Variants in MEX3D observed in about 807,000 individuals in gnomAD.
MEX3D encodes mex-3 RNA binding family member D.
In MEX3D, 4 loss-of-function variants were observed where a neutral mutation model predicts 6.3. The ratio of observed to expected loss-of-function variants is 0.64; its 90% CI spans 0.31 to 1.46. MEX3D has a LOEUF of 1.46. Among genes scored for constraint, MEX3D ranks in the 40% most tolerant of loss-of-function variants. MEX3D has a pLI of 0.07. For missense variants in MEX3D, 1,038 were observed against 994.4 expected (o/e 1.04, Z -0.59); for synonymous variants, 626 against 494.1 (o/e 1.27, Z -3.54).
In MEX3D at chr19:1,557,063, G is replaced by C. The variant is rs570391228; in HGVS notation, c.596-140C>G. 11 of 1,045,060 alleles carry C rather than the reference G, an allele frequency of 1.1e-5. No homozygotes were observed. In the African/African-American group the frequency reaches 1.6e-4, roughly 15 times the overall value. 64.7% of individuals were successfully genotyped at this position (1,045,060 alleles called of 1,614,324 possible). On this transcript the variant is annotated intron_variant, in intron 1 of 1. Coordinates refer to ENST00000402693, the MANE Select transcript of MEX3D (RefSeq NM_203304.4). ...CCAACAACACTTTATCCTCAGACACGCCACGTCCCTTCTTCCCTCAGCCTC... is the reference window on the plus strand; with the variant it reads ...CCAACAACACTTTATCCTCAGACACCCCACGTCCCTTCTTCCCTCAGCCTC...
In MEX3D at chr19:1,555,744, G is replaced by C. The variant is rs200047801; in HGVS notation, c.1775C>G (p.Ser592Trp). 6.6e-7 allele frequency: 1 copy of C among 1,512,298 alleles called. No individual in the cohort carries two copies. Among genetic ancestry groups the C allele is most frequent in the Non-Finnish European group, 8.8e-7 (1 of 1,137,234 alleles). The allele number at this position is 1,512,298 out of a possible 1,614,324, so 93.7% of individuals were successfully genotyped here. Residue 592 changes from serine (S) to tryptophan (W), a missense_variant, in exon 2 of 2, where the codon TCG becomes TGG. By Grantham distance (177) the Ser-to-Trp change is radical (BLOSUM62 -3). Transcript: ENST00000402693. The stretch of plus-strand genomic sequence containing the variant: ...GCACTCTCGCGCCAGGGCCGGGGCC[G>C]AGGACGCCGAAGGGGGCTTGCGGCT... ...ENSRKPPSAS[S>W]APALARECVV...
rs1224377339 is a variant in MEX3D, at chr19:1,556,825, C to T, written c.694G>A (p.Asp232Asn). The T allele has an allele frequency of 1.9e-6, 3 of 1,612,654 alleles. No homozygotes were observed. The highest frequency in any genetic ancestry group is 2.5e-6 in the Non-Finnish European group (3 of 1,179,822). ...PVFIVTGRKE[D>N]VEMAKREILS... ...ATCTCACGCTTGGCCATCTCCACGT[C>T]CTCCTTCCGGCCGGTCACGATGAAG... The change falls in exon 2 of 2, where the codon GAC becomes AAC. Residue 232 changes from aspartate (D) to asparagine (N), a missense_variant. By Grantham distance (23) the Asp-to-Asn change is conservative (BLOSUM62 1). Around this residue, in one of 5 missense-constraint regions of MEX3D, gnomAD observed 75 missense variants for 125.1 expected, o/e 0.60. Transcript: ENST00000402693. The surrounding 1 kb of genome is among the most constrained non-coding windows in gnomAD (Gnocchi z 7.5).
chr19:1,555,955 C>A lies in MEX3D; in HGVS notation c.1564G>T (p.Gly522Cys). The part of the protein sequence containing the change: ...RHSPTLPEPG[G>C]LRLELPLSRR... Reference sequence around the variant, plus strand: ...GACAGCGGGAGCTCCAGGCGGAGGCCGCCGGGCTCGGGCAGCGTGGGCGAG... The same window carrying A: ...GACAGCGGGAGCTCCAGGCGGAGGCAGCCGGGCTCGGGCAGCGTGGGCGAG... Residue 522 changes from glycine to cysteine, a missense_variant, in exon 2 of 2, where the codon GGC becomes TGC. Coordinates refer to ENST00000402693, the MANE Select transcript of MEX3D (RefSeq NM_203304.4). 8.5e-7 allele frequency: 1 copy of A among 1,170,410 alleles called. No homozygotes were observed. The highest frequency in any genetic ancestry group is 1.6e-5 in the African/African-American group (1 of 60,924). The allele number at this position is 1,170,410 out of a possible 1,614,324, so 72.5% of individuals were successfully genotyped here. A position where few individuals can be genotyped will look rare whatever the true frequency, so the allele number is the denominator to read the frequency against.
Position 1,555,309 on chromosome 19 carries a change from C to T in MEX3D, c.*254G>A. ...AAAGTGCAAGCGGACCTTTTCTCTCCGGTTTATTGTAACCTGACCACTCAA... is the reference window on the plus strand; with the variant it reads ...AAAGTGCAAGCGGACCTTTTCTCTCTGGTTTATTGTAACCTGACCACTCAA... On this transcript the variant is annotated 3_prime_UTR_variant, in exon 2 of 2. Transcript: ENST00000402693. 2 of 1,587,852 alleles carry T rather than the reference C, an allele frequency of 1.3e-6. No individual in the cohort carries two copies. Among genetic ancestry groups the T allele is most frequent in the Non-Finnish European group, 1.7e-6 (2 of 1,164,354 alleles).
Position 1,555,218 on chromosome 19 carries a change from T to TTTTTG in MEX3D, c.*340_*344dup. On this transcript the variant is annotated 3_prime_UTR_variant, in exon 2 of 2. Coordinates refer to ENST00000402693, the MANE Select transcript of MEX3D (RefSeq NM_203304.4). Reference sequence around the variant, plus strand: ...ACGCTGAGCGCTGGAAAAGTCGTGTTTTTTGTTTTGCTTTTTTAAAGATCA... The same window carrying TTTTTG: ...ACGCTGAGCGCTGGAAAAGTCGTGTTTTTTGTTTTGTTTTGCTTTTTTAAAGATCA... The TTTTTG allele has an allele frequency of 8.8e-7, 1 of 1,132,950 alleles. No homozygotes were observed. The allele number at this position is 1,132,950 out of a possible 1,614,324, so 70.2% of individuals were successfully genotyped here.
chr19:1,561,338 G>A (rs905280984), intron 1 of MEX3D, among the ~76,000 whole-genome samples: 1 of 152,166 alleles, frequency 6.6e-6, no homozygotes, highest in Non-Finnish European at 1.5e-5. Context: ...CAACAGCAAG[G>A]ACAGGATTCT....
At chr19:1,559,084 C>T (rs1914655313) in intron 1 of MEX3D, among the ~76,000 whole-genome samples, 1 of 151,520 alleles carries the variant, frequency 6.6e-6, no homozygotes, top group Non-Finnish European at 1.5e-5. Context: ...AACTCCTGGG[C>T]TCAAGTGATC....
In MEX3D at chr19:1,556,198, C is replaced by A; in HGVS notation, c.1321G>T (p.Ala441Ser). The A allele has an allele frequency of 1.4e-6, 2 of 1,445,444 alleles. No homozygotes were observed. The highest frequency in any genetic ancestry group is 2.3e-5 in the Admixed American group (1 of 42,730). 89.5% of individuals were successfully genotyped at this position (1,445,444 alleles called of 1,614,324 possible). ...GFAFGAEGPG[A>S]PVGTAAPDDC... ...TCGGGGGCGGCCGTCCCCACCGGGGCACCGGGACCCTCCGCGCCGAAGGCG... is the reference window on the plus strand; with the variant it reads ...TCGGGGGCGGCCGTCCCCACCGGGGAACCGGGACCCTCCGCGCCGAAGGCG... Residue 441 changes from alanine (A) to serine (S), a missense_variant, in exon 2 of 2, where the codon GCC becomes TCC. Ala to Ser is a moderately conservative substitution (Grantham distance 99). This residue lies in a region of MEX3D where 581 missense variants were observed against 516.2 expected (regional missense o/e 1.13). Coordinates refer to ENST00000402693, the MANE Select transcript of MEX3D (RefSeq NM_203304.4). This position sits in a 1 kb window ranked among gnomAD's most constrained non-coding sequence, Gnocchi z 7.5.
chr19:1,568,158 A>C lies in MEX3D; in HGVS notation c.-100T>G. On this transcript the variant is annotated 5_prime_UTR_variant, in exon 1 of 2. An upstream start codon of the reference 5' UTR is lost. Transcript: ENST00000402693. ...GCGAGCTGGGCCGCCGGCCGCCTGC[A>C]TCCAGCGGCGGGGGCGGGCACGGGG... 1.0e-6 allele frequency: 1 copy of C among 955,940 alleles called. No homozygotes were observed. The highest frequency in any genetic ancestry group is 1.9e-5 in the African/African-American group (1 of 53,012). 59.2% of individuals were successfully genotyped at this position (955,940 alleles called of 1,614,324 possible).
chr19:1,556,217 G>A lies in MEX3D; in HGVS notation c.1302C>T (p.Phe434=), dbSNP rs1248450007. The A allele has an allele frequency of 3.5e-6, 5 of 1,425,360 alleles. No homozygotes were observed. Among genetic ancestry groups the A allele is most frequent in the South Asian group, 1.3e-5 (1 of 77,412 alleles). The allele number at this position is 1,425,360 out of a possible 1,614,324, so 88.3% of individuals were successfully genotyped here. ...CCGGGGCACCGGGACCCTCCGCGCC[G>A]AAGGCGAAGCCCCCGTTGCCGGAGC... is the stretch of plus-strand genomic sequence containing the variant. ...YSGSGNGGFA[F]GAEGPGAPVG... The change falls in exon 2 of 2, where the codon TTC becomes TTT. Residue 434 remains phenylalanine, a synonymous_variant. Transcript: ENST00000402693. This position sits in a 1 kb window ranked among gnomAD's most constrained non-coding sequence, Gnocchi z 7.5.
chr19:1,555,377 T>C lies in MEX3D; in HGVS notation c.*186A>G, dbSNP rs767923568. The C allele has an allele frequency of 1.3e-5, 20 of 1,599,772 alleles. No homozygotes were observed. The highest frequency in any genetic ancestry group is 5.4e-5 in the African/African-American group (4 of 74,152). ...TGAGGCGCCGCCGGGCTGCGGGGTCTCCGTCTCCACGCCTGAGGCGGCAGT... is the reference window on the plus strand; with the variant it reads ...TGAGGCGCCGCCGGGCTGCGGGGTCCCCGTCTCCACGCCTGAGGCGGCAGT... On this transcript the variant is annotated 3_prime_UTR_variant, in exon 2 of 2. Transcript: ENST00000402693.
chr19:1,562,933 G>A (rs1161141952), intron 1 of MEX3D, among the ~76,000 whole-genome samples: 1 of 152,046 alleles, frequency 6.6e-6, no homozygotes, highest in Non-Finnish European at 1.5e-5. Context: ...TGAAAGAACT[G>A]CTTGAACCTG....
chr19:1,555,851 G>C lies in MEX3D; in HGVS notation c.1668C>G (p.Ala556=). The change falls in exon 2 of 2, where the codon GCC becomes GCG. Residue 556 remains alanine (A), a synonymous_variant. Transcript: ENST00000402693. ...GCAGCGAGGTGGCCGTGGAGAAGGC[G>C]GCGCCGCCTGGGAAGGATACGGGGC... ...PQGPVSFPGG[A]AFSTATSLPS... is the part of the protein sequence containing the mutation. 1 of 1,335,200 alleles carries C rather than the reference G, an allele frequency of 7.5e-7. No individual in the cohort carries two copies. Among genetic ancestry groups the C allele is most frequent in the Non-Finnish European group, 9.5e-7 (1 of 1,048,692 alleles). 82.7% of individuals were successfully genotyped at this position (1,335,200 alleles called of 1,614,324 possible).
chr19:1,561,466 T>C (rs1450537562), intron 1 of MEX3D, among the ~76,000 whole-genome samples: 1 of 152,060 alleles, frequency 6.6e-6, no homozygotes, highest in Non-Finnish European at 1.5e-5. Flanking sequence ...TGGGCCACTA[T>C]GGAAGCCAGC....
chr19:1,565,673 G>A lies in MEX3D; in HGVS notation c.595+1791C>T, dbSNP rs184776926. Reference sequence around the variant, plus strand: ...GCGGCCTGCAGGACAAGCAATCAGGGCCCACTCTACCCCCGACCCCCACTG... The same window carrying A: ...GCGGCCTGCAGGACAAGCAATCAGGACCCACTCTACCCCCGACCCCCACTG... On this transcript the variant is annotated intron_variant, in intron 1 of 1. Coordinates refer to ENST00000402693, the MANE Select transcript of MEX3D (RefSeq NM_203304.4). Among the ~76,000 whole-genome samples the A allele has an allele frequency of 9.2e-5, 14 of 152,270 alleles. No homozygotes were observed. In the East Asian group the frequency reaches 2.5e-3, roughly 27 times the overall value.
Position 1,555,811 on chromosome 19 carries a change from C to A in MEX3D, c.1708G>T (p.Ala570Ser). The A allele has an allele frequency of 7.3e-7, 1 of 1,375,390 alleles. No homozygotes were observed. The highest frequency in any genetic ancestry group is 9.3e-7 in the Non-Finnish European group (1 of 1,073,430). The allele number at this position is 1,375,390 out of a possible 1,614,324, so 85.2% of individuals were successfully genotyped here. A position where few individuals can be genotyped will look rare whatever the true frequency, so the allele number is the denominator to read the frequency against. Residue 570 changes from alanine to serine, a missense_variant, in exon 2 of 2, where the codon GCC becomes TCC. Physicochemically the swap from Ala to Ser is moderately conservative, Grantham distance 99 (BLOSUM62 1). Around this residue, in one of 5 missense-constraint regions of MEX3D, gnomAD observed 581 missense variants for 516.2 expected, o/e 1.13. Transcript: ENST00000402693. ...GAGTCCAGGGGGGCGCAGGCGGCGG[C>A]CGCGGGGCTGCTGGGCAGCGAGGTG... ...TATSLPSSPAAAACAPLDSGA... is the reference protein window; with the variant it reads ...TATSLPSSPASAACAPLDSGA...
At position 1,556,371 on chromosome 19, in the gene MEX3D, G is replaced by A. The variant is rs1488904970; in HGVS notation, c.1148C>T (p.Pro383Leu). The A allele has an allele frequency of 6.7e-7, 1 of 1,493,150 alleles. No individual in the cohort carries two copies. The highest frequency in any genetic ancestry group is 8.8e-7 in the Non-Finnish European group (1 of 1,131,982). The allele number at this position is 1,493,150 out of a possible 1,614,324, so 92.5% of individuals were successfully genotyped here. A position where few individuals can be genotyped will look rare whatever the true frequency, so the allele number is the denominator to read the frequency against. ...WAKTPNQGRRPPTATAGLRGD... is the reference protein window; with the variant it reads ...WAKTPNQGRRLPTATAGLRGD... ...GCGGAGGCCGGCCGTGGCCGTGGGG[G>A]GCCGTCGTCCCTGGTTGGGGGTCTT... Residue 383 changes from proline to leucine, a missense_variant, in exon 2 of 2, where the codon CCC becomes CTC. Pro to Leu is a moderately conservative substitution (Grantham distance 98). Coordinates refer to ENST00000402693, the MANE Select transcript of MEX3D (RefSeq NM_203304.4). The surrounding 1 kb of genome is among the most constrained non-coding windows in gnomAD (Gnocchi z 7.5).
At chr19:1,561,777 G>T (rs1163840104) in intron 1 of MEX3D, among the ~76,000 whole-genome samples, 3 of 152,056 alleles carry the variant, frequency 2.0e-5, no homozygotes, top group Non-Finnish European at 1.5e-5. Flanking sequence ...CCGAGTAGCT[G>T]GGACTACAGT....
chr19:1,563,968 T>C (rs1914779642), intron 1 of MEX3D, among the ~76,000 whole-genome samples: 1 of 151,810 alleles, frequency 6.6e-6, no homozygotes, highest in Non-Finnish European at 1.5e-5. Context: ...CCACCATGCC[T>C]AATTTTTGTA....
Sources: allele counts gnomAD v4.1 joint callset (sites outside exome capture counted in the v4.1 genomes callset), GRCh38; gene constraint gnomAD v4.1.1; regional missense constraint gnomAD v4.1.1; non-coding constraint Gnocchi (gnomAD v3.1); transcripts MANE v1.5; gene names NCBI Gene and HGNC (gene_info 2026-07-23, HGNC 2026-07-21).